Variants in INPP5B observed in about 807,000 individuals in gnomAD.
INPP5B encodes type II inositol 1,4,5-trisphosphate 5-phosphatase.
In INPP5B, 90 loss-of-function variants were observed where a neutral mutation model predicts 118.5. That is an observed-to-expected ratio of 0.76 (90% CI 0.64 to 0.90). The LOEUF (loss-of-function observed/expected upper bound fraction) is 0.90, where lower values mean the gene tolerates loss of function less well. Ranked by LOEUF, INPP5B falls within the 40% of genes least tolerant of loss-of-function variation. The pLI is 0.00. For synonymous variants in INPP5B, 385 were observed against 418.9 expected (o/e 0.92, Z 0.99); for missense variants, 984 against 1,125.6 (o/e 0.87, Z 1.80).
At chr1:37,878,688 C>T (rs1432972669) in intron 15 of INPP5B, among the ~76,000 whole-genome samples, 2 of 151,750 alleles carry the variant, frequency 1.3e-5, no homozygotes, top group African/African-American at 2.4e-5. Flanking sequence ...CTTGCTCTGT[C>T]GCCCAGGCTG....
chr1:37,868,604 G>A lies in INPP5B; in HGVS notation c.2198C>T (p.Pro733Leu). 1 of 1,607,646 alleles carries A rather than the reference G, an allele frequency of 6.2e-7. No homozygotes were observed. Among genetic ancestry groups the A allele is most frequent in the South Asian group, 1.1e-5 (1 of 90,960 alleles). ...GCTCCCATCATCTCCAGTCCATACT[G>A]GCATCAGAGTCTGGAAAGCAATCAA... ...LETISELTLM[P>L]VWTGDDGSQL... Residue 733 changes from proline to leucine, a missense_variant, in exon 20 of 24, where the codon CCA (proline) becomes CTA (leucine). Pro to Leu is a moderately conservative substitution (Grantham distance 98, BLOSUM62 -3). Around this residue, in one of 2 missense-constraint regions of INPP5B, gnomAD observed 634 missense variants for 791.0 expected, o/e 0.80. Coordinates refer to ENST00000373024, the MANE Select transcript of INPP5B (RefSeq NM_005540.3).
intron 7 of INPP5B, among the ~76,000 whole-genome samples, chr1:37,894,080 G>A (rs1291704123): frequency 1.3e-5 from 2 of 152,202 alleles, no homozygotes; most frequent in African/African-American, 2.4e-5. Flanking sequence ...ATTTAAAGAT[G>A]CTCAAATTTG....
chr1:37,916,238 C>T (rs1570281625), intron 7 of INPP5B, among the ~76,000 whole-genome samples: 2 of 151,848 alleles, frequency 1.3e-5, no homozygotes, highest in Non-Finnish European at 2.9e-5. Context: ...GGATTACAGG[C>T]ACCCACCACT....
At chr1:37,869,006 T>G (rs1228672513) in intron 19 of INPP5B, among the ~76,000 whole-genome samples, 1 of 152,160 alleles carries the variant, frequency 6.6e-6, no homozygotes, top group East Asian at 1.9e-4. Flanking sequence ...TATTTTTATT[T>G]TTTTGAGACG....
intron 7 of INPP5B, among the ~76,000 whole-genome samples, chr1:37,915,047 G>A (rs1296444862): frequency 6.6e-6 from 1 of 152,178 alleles, no homozygotes; most frequent in Non-Finnish European, 1.5e-5. Flanking sequence ...CAGCTTGATT[G>A]CGATGTGTAA....
At position 37,864,333 on chromosome 1, in the gene INPP5B, G is replaced by C. The variant is rs771211141; in HGVS notation, c.2605C>G (p.His869Asp). ...RELLKNSAKN[H>D]LDENILASIF... ...TTACCTAGAATATTCTCATCCAAAT[G>C]ATTTTTTGCTGAATTTTTCAGCAGT... is the stretch of plus-strand genomic sequence containing the variant. Residue 869 changes from histidine to aspartate, a missense_variant, in exon 23 of 24, where the codon CAT (histidine) becomes GAT (aspartate). This residue lies in a region of INPP5B where 634 missense variants were observed against 791.0 expected (regional missense o/e 0.80). Transcript: ENST00000373024. 1 of 1,606,120 alleles carries C rather than the reference G, an allele frequency of 6.2e-7. No homozygotes were observed. The highest frequency in any genetic ancestry group is 1.3e-5 in the African/African-American group (1 of 74,740).
rs527541022 is a variant in INPP5B, at chr1:37,862,277, A to G, written c.*38T>C. The G allele has an allele frequency of 1.1e-4, 155 of 1,348,922 alleles. No individual in the cohort carries two copies. In the Admixed American group the frequency reaches 2.6e-3, roughly 23 times the overall value. 83.6% of individuals were successfully genotyped at this position (1,348,922 alleles called of 1,614,324 possible). A position where few individuals can be genotyped will look rare whatever the true frequency, so the allele number is the denominator to read the frequency against. On this transcript the variant is annotated 3_prime_UTR_variant, in exon 24 of 24. Coordinates refer to ENST00000373024, the MANE Select transcript of INPP5B (RefSeq NM_005540.3). ...TTGAGCTGAAACAGGTGGGGCTGGT[A>G]ATTGGCAGCCTCAAGTAAAATAGGA...
chr1:37,941,735 G>C (rs571500779), intron 5 of INPP5B, among the ~76,000 whole-genome samples: 2 of 147,850 alleles, frequency 1.4e-5, no homozygotes, highest in African/African-American at 5.0e-5. Flanking sequence ...TCAGGAGATC[G>C]AGACCATCCT....
At chr1:37,880,236 AGGTC>A in intron 14 of INPP5B, 42 bp from the exon 15 acceptor site, 3 of 1,458,216 alleles carry the variant, frequency 2.1e-6, no homozygotes, top group Non-Finnish European at 2.9e-6. Flanking sequence ...CAGAATAAAA[AGGTC>A]AAACTTTGAA....
Position 37,945,741 on chromosome 1 carries a change from A to G in INPP5B, c.152+15T>C. 1 of 1,604,410 alleles carries G rather than the reference A, an allele frequency of 6.2e-7. No individual in the cohort carries two copies. The highest frequency in any genetic ancestry group is 8.5e-7 in the Non-Finnish European group (1 of 1,171,790). On this transcript the variant is annotated intron_variant, in intron 3 of 23. Coordinates refer to ENST00000373024, the MANE Select transcript of INPP5B (RefSeq NM_005540.3). ...CCCATGGCCCAGACAGGTGGGGACC[A>G]AGCCCCTCACTCACGCGTGTTCCTG...
At chr1:37,890,653 A>G (rs1035203329) in intron 8 of INPP5B, among the ~76,000 whole-genome samples, 2 of 152,146 alleles carry the variant, frequency 1.3e-5, no homozygotes, top group Non-Finnish European at 2.9e-5. Flanking sequence ...TAAAACAGGA[A>G]AAAAAGTCAC....
At chr1:37,916,951 G>T (rs1490241485) in intron 7 of INPP5B, among the ~76,000 whole-genome samples, 3 of 151,586 alleles carry the variant, frequency 2.0e-5, no homozygotes, top group Non-Finnish European at 4.4e-5. Flanking sequence ...TTTTGATGAT[G>T]AAAATATTCT....
In INPP5B at chr1:37,887,418, G is replaced by C. The variant is rs1478696511; in HGVS notation, c.947C>G (p.Thr316Ser). Residue 316 changes from threonine (T) to serine (S), a missense_variant, in exon 11 of 24, where the codon ACC becomes AGC. Thr to Ser is a moderately conservative substitution (Grantham distance 58). Coordinates refer to ENST00000373024, the MANE Select transcript of INPP5B (RefSeq NM_005540.3). ...TTTGAACCACTCTTCCTCCTTTGGG[G>C]TATCGTGAAAGAAAAAAGCTTCCTT... ...LSKEAFFFHDTPKEEEWFKAV... is the reference protein window; with the variant it reads ...LSKEAFFFHDSPKEEEWFKAV... The C allele has an allele frequency of 1.2e-6, 2 of 1,613,710 alleles. No homozygotes were observed. The highest frequency in any genetic ancestry group is 3.3e-5 in the Admixed American group (2 of 59,938).
At position 37,864,327 on chromosome 1, in the gene INPP5B, C is replaced by G. The variant is rs41311191; in HGVS notation, c.2611G>C (p.Asp871His). 0.12 allele frequency: 197,587 copies of G among 1,594,622 alleles called. 13,699 individuals carry two copies. Among genetic ancestry groups the G allele is most frequent in the Middle Eastern group, 0.24 (1,448 of 6,026 alleles). ...LLKNSAKNHL[D>H]ENILASIFGS... ...GGCTGCTTACCTAGAATATTCTCAT[C>G]CAAATGATTTTTTGCTGAATTTTTC... The change falls in exon 23 of 24, where the codon GAT becomes CAT. Residue 871 changes from aspartate to histidine, a missense_variant. Asp to His is a moderately conservative substitution (Grantham distance 81). This residue lies in a region of INPP5B where 634 missense variants were observed against 791.0 expected (regional missense o/e 0.80). Coordinates refer to ENST00000373024, the MANE Select transcript of INPP5B (RefSeq NM_005540.3).
chr1:37,944,676 G>T (rs550579022), intron 3 of INPP5B, among the ~76,000 whole-genome samples: 1 of 151,196 alleles, frequency 6.6e-6, no homozygotes, highest in African/African-American at 2.4e-5. Flanking sequence ...CAAACTCCTC[G>T]GCTCATGTGA....
At position 37,945,885 on chromosome 1, in the gene INPP5B, G is replaced by A. The variant is rs1646093795; in HGVS notation, c.58-35C>T. On this transcript the variant is annotated intron_variant, in intron 2 of 23. Transcript: ENST00000373024. ...AGAGTCAAGGGAAGACAACCCAGAG[G>A]CGAGGCCTCTCCCCACCCAGGCTGT... The A allele has an allele frequency of 1.9e-6, 3 of 1,591,742 alleles. No homozygotes were observed. The Admixed American group carries it at 5.1e-5, about 27-fold the overall frequency.
At chr1:37,936,681 C>T (rs951553980) in intron 6 of INPP5B, among the ~76,000 whole-genome samples, 4 of 151,504 alleles carry the variant, frequency 2.6e-5, no homozygotes, top group African/African-American at 9.7e-5. Context: ...TAAGGAAGCA[C>T]TAGAGCAAAA....
rs533373775 is a variant in INPP5B at position 37,893,057 on chromosome 1, C to A, written c.533-1603G>T. On this transcript the variant is annotated intron_variant, in intron 7 of 23. Coordinates refer to ENST00000373024, the MANE Select transcript of INPP5B (RefSeq NM_005540.3). ...CTGCTTTTGTTTTGTGGTGTTTTTC[C>A]TGTATGTTTTTTTATTATTTTCTTT... 1.8e-4 allele frequency among the ~76,000 whole-genome samples: 26 copies of A among 145,288 alleles called. No homozygotes were observed. The East Asian group carries it at 5.2e-3, about 29-fold the overall frequency.
Position 37,946,248 on chromosome 1 carries a change from ATATGATGACGCAG to A in INPP5B, c.48_57+3del, listed in dbSNP as rs768083435. 5 of 1,609,818 alleles carry A rather than the reference ATATGATGACGCAG, an allele frequency of 3.1e-6. No individual in the cohort carries two copies. Among genetic ancestry groups the A allele is most frequent in the Non-Finnish European group, 4.2e-6 (5 of 1,177,984 alleles). ...CAGGGCCGCAGTTAGCACAGGAAGG[ATATGATGACGCAG>A]TATTCCCCCTCAGCCAGCGTCTCCT... On this transcript the variant is annotated splice_donor_variant and splice_donor_region_variant and coding_sequence_variant and intron_variant, in exon 2 of 24. Coordinates refer to ENST00000373024, the MANE Select transcript of INPP5B (RefSeq NM_005540.3). LOFTEE classifies it high-confidence loss of function.
Sources: gnomAD v4.1 joint callset for allele counts (sites outside exome capture counted in the v4.1 genomes callset) on GRCh38, gnomAD v4.1.1 for gene constraint, gnomAD v4.1.1 regional missense constraint, MANE v1.5 for transcripts, NCBI Gene and HGNC (gene_info 2026-07-23, HGNC 2026-07-21) for gene names.